SLC8A3: variants seen among roughly 807,000 people sequenced by gnomAD.
The protein encoded by SLC8A3 is sodium/calcium exchanger 3.
In SLC8A3, 37 loss-of-function variants were observed where a neutral mutation model predicts 65.4. The observed-to-expected ratio is 0.57, with a 90% CI of 0.44 to 0.74. The LOEUF (loss-of-function observed/expected upper bound fraction) is 0.74. Ranked by LOEUF, SLC8A3 falls within the 30% of genes least tolerant of loss-of-function variation. The probability of loss-of-function intolerance (pLI) is 0.00; values close to 1 mark genes in which losing one functional copy is unlikely to be tolerated. For missense variants in SLC8A3, 1,112 were observed against 1,172.1 expected (o/e 0.95, Z 0.75); for synonymous variants, 461 against 444.5 (o/e 1.04, Z -0.47).
chr14:70,071,508 AGTG>A (rs1594934173), intron 2 of SLC8A3, among the ~76,000 whole-genome samples: 1 of 152,338 alleles, frequency 6.6e-6, no homozygotes, highest in East Asian at 1.9e-4. Context: ...AGGTGCAAAG[AGTG>A]GTCCCTGGAT....
chr14:70,111,481 G>A (rs1045299022), intron 2 of SLC8A3, among the ~76,000 whole-genome samples: 10 of 152,204 alleles, frequency 6.6e-5, no homozygotes, highest in South Asian at 2.1e-4. Flanking sequence ...ACCATCAAGT[G>A]TGATGCAAAG....
At position 70,109,448 on chromosome 14, in the gene SLC8A3, T is replaced by A. The variant is rs552032071; in HGVS notation, c.1785-48509A>T. 1.0e-2 allele frequency among the ~76,000 whole-genome samples: 508 copies of A among 50,904 alleles called. 4 individuals are homozygous for A. The highest frequency in any genetic ancestry group is 0.03 in the African/African-American group (487 of 16,174). The allele number at this position is 50,904 out of a possible 152,430, so 33.4% of individuals were successfully genotyped here. ...GTATATATATACATGTATATGTACG[T>A]GTGTGTATATATATATATATATATA... On this transcript the variant is annotated intron_variant, in intron 2 of 6. Transcript: ENST00000356921.
chr14:70,137,665 G>A (rs11848139), intron 2 of SLC8A3, among the ~76,000 whole-genome samples: 5,797 of 152,184 alleles, frequency 0.038, 363 homozygotes, highest in African/African-American at 0.13. Context: ...CTGCTCAGAG[G>A]AGGATGAGTT....
At chr14:70,179,460 T>C (rs1276582386) in intron 1 of SLC8A3, among the ~76,000 whole-genome samples, 1 of 152,178 alleles carries the variant, frequency 6.6e-6, no homozygotes, top group Admixed American at 6.5e-5. Flanking sequence ...GGATGCAAAA[T>C]GACTCTACAG....
chr14:70,149,743 T>A (rs1406977121), intron 2 of SLC8A3, among the ~76,000 whole-genome samples: 1 of 152,186 alleles, frequency 6.6e-6, no homozygotes, highest in Non-Finnish European at 1.5e-5. Context: ...ACTTTGCCCA[T>A]CCTCCTCCCA....
intron 2 of SLC8A3, among the ~76,000 whole-genome samples, chr14:70,118,287 G>C (rs990098698): frequency 2.0e-5 from 3 of 152,180 alleles, no homozygotes; most frequent in African/African-American, 7.2e-5. Context: ...AGGCTACAAA[G>C]GGCAGATTCC....
Position 70,046,397 on chromosome 14 carries a change from A to G in SLC8A3, c.2390-74T>C. 1 of 1,466,854 alleles carries G rather than the reference A, an allele frequency of 6.8e-7. No homozygotes were observed. Among genetic ancestry groups the G allele is most frequent in the Non-Finnish European group, 9.2e-7 (1 of 1,089,762 alleles). 90.9% of individuals were successfully genotyped at this position (1,466,854 alleles called of 1,614,324 possible). ...CAGGGCTTGTCTTCCAGTATGCCCA[A>G]AAAGCAGCTTGAGCTGGTGGGCTGA... is the stretch of plus-strand genomic sequence containing the variant. On this transcript the variant is annotated intron_variant, in intron 6 of 6. Transcript: ENST00000356921. The surrounding 1 kb of genome is among the most constrained non-coding windows in gnomAD (Gnocchi z 4.2).
chr14:70,066,483 C>A (rs1405353916), intron 2 of SLC8A3, among the ~76,000 whole-genome samples: 1 of 63,500 alleles, frequency 1.6e-5, no homozygotes, highest in Non-Finnish European at 3.2e-5. Context: ...TAATTTACTA[C>A]CCCCCTTCCT....
At chr14:70,154,774 A>G (rs1397090207) in intron 2 of SLC8A3, among the ~76,000 whole-genome samples, 1 of 152,280 alleles carries the variant, frequency 6.6e-6, no homozygotes, top group East Asian at 1.9e-4. Flanking sequence ...AAATACACTG[A>G]AATGATTTTT....
intron 3 of SLC8A3, among the ~76,000 whole-genome samples, chr14:70,057,020 G>T (rs1207495990): frequency 2.6e-5 from 4 of 152,148 alleles, no homozygotes; most frequent in African/African-American, 9.7e-5. Context: ...GACTGATAGA[G>T]ATTGCTGAGG....
intron 2 of SLC8A3, among the ~76,000 whole-genome samples, chr14:70,075,123 A>ATG (rs138928899): frequency 9.6e-4 from 145 of 151,130 alleles, no homozygotes; most frequent in African/African-American, 3.0e-3. Context: ...AACTGTGTGT[A>ATG]TGTGTGTGTG....
At chr14:70,065,913 G>T (rs922836783) in intron 2 of SLC8A3, among the ~76,000 whole-genome samples, 1 of 152,222 alleles carries the variant, frequency 6.6e-6, no homozygotes, top group Non-Finnish European at 1.5e-5. Context: ...ATTAGAGGGG[G>T]TTGGAATGTT....
At chr14:70,158,126 G>C (rs1476399230) in intron 2 of SLC8A3, among the ~76,000 whole-genome samples, 1 of 152,214 alleles carries the variant, frequency 6.6e-6, no homozygotes, top group Non-Finnish European at 1.5e-5. Context: ...GCAGCACCTA[G>C]AGCACAAATA....
At chr14:70,158,632 A>G (rs17175834) in intron 2 of SLC8A3, among the ~76,000 whole-genome samples, 30,556 of 152,188 alleles carry the variant, frequency 0.2, 3,256 homozygotes, top group Middle Eastern at 0.26. Context: ...GTCCAGGCAG[A>G]GTTAGTCAAG....
chr14:70,154,402 C>T (rs1199198641), intron 2 of SLC8A3, among the ~76,000 whole-genome samples: 1 of 152,208 alleles, frequency 6.6e-6, no homozygotes, highest in African/African-American at 2.4e-5. Context: ...CCGTCAGTCT[C>T]ACTTCCCAAA....
intron 2 of SLC8A3, among the ~76,000 whole-genome samples, chr14:70,159,848 G>C (rs1229687189): frequency 2.6e-5 from 4 of 152,158 alleles, no homozygotes; most frequent in Non-Finnish European, 5.9e-5. Context: ...GGCCATTCAT[G>C]TGATCATCTC....
intron 2 of SLC8A3, among the ~76,000 whole-genome samples, chr14:70,124,367 GA>G (rs1489031608): frequency 3.3e-5 from 5 of 152,170 alleles, no homozygotes; most frequent in Non-Finnish European, 7.3e-5. Context: ...GTAGTCATCT[GA>G]CATCTTTCAC....
At chr14:70,136,660 G>A (rs1342625095) in intron 2 of SLC8A3, among the ~76,000 whole-genome samples, 1 of 152,158 alleles carries the variant, frequency 6.6e-6, no homozygotes, top group African/African-American at 2.4e-5. Flanking sequence ...GGCCTTTCCA[G>A]ACCTTCCTAC....
chr14:70,086,618 G>T (rs1278569405), intron 2 of SLC8A3, among the ~76,000 whole-genome samples: 1 of 151,796 alleles, frequency 6.6e-6, no homozygotes, highest in Admixed American at 6.6e-5. Context: ...TGGCCAGGCT[G>T]GTCTCGAACT....
Sources: gnomAD v4.1 joint callset for allele counts (sites outside exome capture counted in the v4.1 genomes callset) on GRCh38, gnomAD v4.1.1 for gene constraint, Gnocchi (gnomAD v3.1) non-coding constraint, MANE v1.5 for transcripts, NCBI Gene and HGNC (gene_info 2026-07-23, HGNC 2026-07-21) for gene names.